Variants in F8 observed in about 807,000 individuals in gnomAD.
F8 encodes coagulation factor VIII.
F8 carries 12 observed loss-of-function variants against 140.6 expected under a neutral mutation model. The observed-to-expected ratio is 0.09, with a 90% CI of 0.05 to 0.14. F8 has a LOEUF of 0.14. Among genes scored for constraint, F8 ranks in the 10% least tolerant of loss-of-function variants. The pLI, the probability that F8 is intolerant of heterozygous loss-of-function variation, is 1.00. For missense variants in F8, 1,354 were observed against 1,720.7 expected, an observed-to-expected ratio of 0.79 and a Z score of 3.77; for synonymous variants, 585 against 614.6, an observed-to-expected ratio of 0.95 and a Z score of 0.71.
At chrX:154,848,032 GGA>G (rs2072583723) in intron 25 of F8, among the ~76,000 whole-genome samples, 2 of 112,277 alleles carry the variant, frequency 1.8e-5, no homozygotes, top group East Asian at 5.6e-4. Flanking sequence ...CAGGTCTGTT[GGA>G]GTTTGCTGGA....
chrX:155,011,405 C>G (rs1163717001), intron 1 of F8, among the ~76,000 whole-genome samples: 2 of 112,254 alleles, frequency 1.8e-5, no homozygotes, highest in Non-Finnish European at 3.8e-5. Flanking sequence ...CAGACAGTAA[C>G]AAGTGTTGAT....
rs1159789994 is a variant in F8 at position 154,836,640 on chromosome X, A to G, written c.*957T>C. On this transcript the variant is annotated 3_prime_UTR_variant, in exon 26 of 26. Coordinates refer to ENST00000360256, the MANE Select transcript of F8 (RefSeq NM_000132.4). ...GCATTATTAGAATTACAAAGTTTGTATCTCCTATCTCAGATAACCATGGAT... is the reference window on the plus strand; with the variant it reads ...GCATTATTAGAATTACAAAGTTTGTGTCTCCTATCTCAGATAACCATGGAT... 1 of 111,892 alleles carries G rather than the reference A, an allele frequency of 8.9e-6. No individual in the cohort carries two copies. The highest frequency in any genetic ancestry group is 3.3e-5 in the African/African-American group (1 of 30,764). 9.2% of individuals were successfully genotyped at this position (111,892 alleles called of 1,213,427 possible).
intron 1 of F8, among the ~76,000 whole-genome samples, chrX:155,009,334 A>G (rs2073694271): frequency 9.1e-6 from 1 of 110,417 alleles, no homozygotes; most frequent in African/African-American, 3.3e-5. Context: ...TCCTTTTTCC[A>G]TATCATATCC....
At chrX:154,876,212 C>T (rs782748369) in intron 22 of F8, among the ~76,000 whole-genome samples, 2 of 107,164 alleles carry the variant, frequency 1.9e-5, no homozygotes, top group South Asian at 8.4e-4. Context: ...CTCCGCCTCC[C>T]GGGTTCACGC....
chrX:154,880,654 T>C (rs992454406), intron 22 of F8, among the ~76,000 whole-genome samples: 1 of 112,353 alleles, frequency 8.9e-6, no homozygotes, highest in Non-Finnish European at 1.9e-5. Context: ...AAATAAAATT[T>C]TGTATGCTTT....
chrX:154,861,654 T>C, intron 24 of F8, 64 bp downstream of exon 24: 1 of 1,162,195 alleles, frequency 8.6e-7, no homozygotes, highest in Non-Finnish European at 1.2e-6. Flanking sequence ...AGTCAAGGCC[T>C]TCCCCGATTT....
intron 1 of F8, among the ~76,000 whole-genome samples, chrX:155,008,229 TAAG>T (rs1184462214): frequency 2.7e-5 from 3 of 111,249 alleles, no homozygotes; most frequent in African/African-American, 9.8e-5. Flanking sequence ...GTGTCCCCAC[TAAG>T]AAGATTACAT....
intron 25 of F8, among the ~76,000 whole-genome samples, chrX:154,839,363 A>ATTT (rs782394922): frequency 1.0e-5 from 1 of 95,387 alleles, no homozygotes; most frequent in Admixed American, 1.2e-4. Context: ...TTCTGCCTCA[A>ATTT]TTTTTTTTTT....
At chrX:154,901,536 G>A in intron 19 of F8, 94 bp from the exon 20 acceptor site, 2 of 627,748 alleles carry the variant, frequency 3.2e-6, no homozygotes, top group Non-Finnish European at 5.5e-6. Flanking sequence ...GTCAACAAAT[G>A]CTATTTTTTA....
intron 6 of F8, chrX:154,977,541 C>T (rs2073493556): frequency 9.2e-6 from 1 of 108,158 alleles, no homozygotes; most frequent in Non-Finnish European, 1.9e-5. Context: ...TTGCTGTGTA[C>T]AGTATCCTTG....
chrX:154,849,321 G>C (rs782014994), intron 25 of F8, among the ~76,000 whole-genome samples: 60 of 111,236 alleles, frequency 5.4e-4, no homozygotes, highest in African/African-American at 1.9e-3. Context: ...TTGCTTTAAA[G>C]TCTATTTTTC....
intron 22 of F8, among the ~76,000 whole-genome samples, chrX:154,868,516 A>C (rs2072748127): frequency 9.0e-6 from 1 of 111,688 alleles, no homozygotes; most frequent in Non-Finnish European, 1.9e-5. Context: ...TGTCACCATC[A>C]GACCTGCCTT....
At chrX:154,940,889 C>A (rs2073258445) in intron 13 of F8, among the ~76,000 whole-genome samples, 1 of 111,835 alleles carries the variant, frequency 8.9e-6, no homozygotes, top group South Asian at 3.7e-4. Context: ...GAATTTTCAA[C>A]CCAGAATTTC....
intron 6 of F8, among the ~76,000 whole-genome samples, chrX:154,979,951 G>C (rs1486635162): frequency 9.0e-6 from 1 of 111,642 alleles, no homozygotes; most frequent in Non-Finnish European, 1.9e-5. Flanking sequence ...GATTGCAAGA[G>C]TCCTTGGTGA....
At chrX:154,981,419 C>T (rs1182408677) in intron 6 of F8, among the ~76,000 whole-genome samples, 2 of 107,771 alleles carry the variant, frequency 1.9e-5, no homozygotes, top group Non-Finnish European at 3.8e-5. Context: ...GATGAAGGCC[C>T]GGAAAGAAGA....
chrX:154,836,467 C>A lies in F8; in HGVS notation c.*1130G>T, dbSNP rs1176034019. 9.0e-6 allele frequency: 1 copy of A among 111,362 alleles called. No individual in the cohort carries two copies. Among genetic ancestry groups the A allele is most frequent in the Non-Finnish European group, 1.9e-5 (1 of 53,073 alleles). 9.2% of individuals were successfully genotyped at this position (111,362 alleles called of 1,213,427 possible). A position where few individuals can be genotyped will look rare whatever the true frequency, so the allele number is the denominator to read the frequency against. On this transcript the variant is annotated 3_prime_UTR_variant, in exon 26 of 26. Coordinates refer to ENST00000360256, the MANE Select transcript of F8 (RefSeq NM_000132.4). The stretch of plus-strand genomic sequence containing the variant: ...CAGACTGGAGTGTTTTTTCTGTTTT[C>A]ACCAGTCCAATTTTCTTCTGACCTC...
chrX:155,008,561 G>A (rs2073689031), intron 1 of F8, among the ~76,000 whole-genome samples: 1 of 111,901 alleles, frequency 8.9e-6, no homozygotes, highest in Non-Finnish European at 1.9e-5. Flanking sequence ...AGCAGCAAGA[G>A]GGTGAGGGGC....
Position 154,861,831 on chromosome X carries a change from T to C in F8, c.6610A>G (p.Ile2204Val). 1 of 1,211,149 alleles carries C rather than the reference T, an allele frequency of 8.3e-7. No individual in the cohort carries two copies. The highest frequency in any genetic ancestry group is 1.1e-6 in the Non-Finnish European group (1 of 895,002). Residue 2204 changes from isoleucine (I) to valine (V), a missense_variant, in exon 24 of 26, where the codon ATA becomes GTA. This residue lies in a region of F8 where 316 missense variants were observed against 485.4 expected (regional missense o/e 0.65). Transcript: ENST00000360256. ...GAAGCAGTAATCTGTGCATCTGATATTGCTTTACTCTCCATTCCCAATGGC... is the reference window on the plus strand; with the variant it reads ...GAAGCAGTAATCTGTGCATCTGATACTGCTTTACTCTCCATTCCCAATGGC... Reference protein sequence around the residue: ...SMPLGMESKAISDAQITASSY... With the variant: ...SMPLGMESKAVSDAQITASSY...
chrX:154,984,235 T>C (rs2073544783), intron 6 of F8, among the ~76,000 whole-genome samples: 1 of 111,762 alleles, frequency 8.9e-6, no homozygotes, highest in Non-Finnish European at 1.9e-5. Flanking sequence ...TCTATGCCCC[T>C]ATTTTAAAAC....
Sources: gnomAD v4.1 joint callset for allele counts (sites outside exome capture counted in the v4.1 genomes callset) on GRCh38, gnomAD v4.1.1 for gene constraint, gnomAD v4.1.1 regional missense constraint, MANE v1.5 for transcripts, NCBI Gene and HGNC (gene_info 2026-07-23, HGNC 2026-07-21) for gene names.